Variants in LPCAT1 observed in about 807,000 individuals in gnomAD.
LPCAT1 encodes the protein lysophosphatidylcholine acyltransferase 1, also known as 1-acylglycerol-3-phosphate O-acyltransferase.
In LPCAT1, 23 loss-of-function variants were observed where a neutral mutation model predicts 60.9. The ratio of observed to expected loss-of-function variants is 0.38; its 90% CI spans 0.27 to 0.53. LPCAT1 has a LOEUF of 0.53. Ranked by LOEUF, LPCAT1 falls within the 20% of genes least tolerant of loss-of-function variation. LPCAT1 has a pLI of 0.82. For missense variants in LPCAT1, 622 were observed against 723.6 expected (o/e 0.86, Z 1.61); for synonymous variants, 340 against 301.1 (o/e 1.13, Z -1.34).
chr5:1,465,735 A>C (rs1734361793), intron 13 of LPCAT1, among the ~76,000 whole-genome samples: 2 of 152,006 alleles, frequency 1.3e-5, no homozygotes, highest in African/African-American at 4.8e-5. Context: ...TCAATACTGA[A>C]ACAAGCATGC....
chr5:1,518,775 A>G (rs1399572326), intron 1 of LPCAT1, among the ~76,000 whole-genome samples: 1 of 152,236 alleles, frequency 6.6e-6, no homozygotes, highest in Non-Finnish European at 1.5e-5. Context: ...GCCAATGACG[A>G]TAGGGGGCCG....
intron 2 of LPCAT1, among the ~76,000 whole-genome samples, chr5:1,498,549 A>G (rs1355550650): frequency 6.6e-6 from 1 of 152,178 alleles, no homozygotes; most frequent in Non-Finnish European, 1.5e-5. Flanking sequence ...ACACTCATAC[A>G]TATGTACACA....
intron 13 of LPCAT1, among the ~76,000 whole-genome samples, chr5:1,466,037 C>G (rs1012293381): frequency 2.0e-5 from 3 of 152,244 alleles, no homozygotes; most frequent in Non-Finnish European, 4.4e-5. Context: ...CTCGTTTGCT[C>G]TAAGACCACC....
chr5:1,463,344 G>GT lies in LPCAT1; in HGVS notation c.*306_*307insA. ...AGGCTGTGACAGAGACTCGAAACCA[G>GT]GGCCCCGTGGGAGAACACGGGGCGG... On this transcript the variant is annotated 3_prime_UTR_variant, in exon 14 of 14. Transcript: ENST00000283415. 6.1e-6 allele frequency: 2 copies of GT among 330,578 alleles called. No individual in the cohort carries two copies. The highest frequency in any genetic ancestry group is 6.6e-5 in the South Asian group (1 of 15,266). 20.5% of individuals were successfully genotyped at this position (330,578 alleles called of 1,614,324 possible). A position where few individuals can be genotyped will look rare whatever the true frequency, so the allele number is the denominator to read the frequency against.
intron 12 of LPCAT1, among the ~76,000 whole-genome samples, chr5:1,469,134 C>T (rs1020850495): frequency 6.6e-6 from 1 of 152,210 alleles, no homozygotes; most frequent in Non-Finnish European, 1.5e-5. Context: ...CGTGGGGACG[C>T]AGCCATATCA....
chr5:1,478,094 C>G (rs1734997029), intron 8 of LPCAT1, among the ~76,000 whole-genome samples: 1 of 152,288 alleles, frequency 6.6e-6, no homozygotes, highest in Admixed American at 6.5e-5. Context: ...GCACGTTATT[C>G]CTACATTTGG....
At chr5:1,503,350 C>T (rs1290324926) in intron 1 of LPCAT1, among the ~76,000 whole-genome samples, 1 of 152,236 alleles carries the variant, frequency 6.6e-6, no homozygotes, top group Non-Finnish European at 1.5e-5. Flanking sequence ...CCTTCCCAGG[C>T]CTCATCCTCC....
rs1736697329 is a variant in LPCAT1, at chr5:1,522,190, C to G, written c.135+1520G>C. Among the ~76,000 whole-genome samples the G allele has an allele frequency of 6.6e-6, 1 of 152,204 alleles. No homozygotes were observed. The highest frequency in any genetic ancestry group is 2.4e-5 in the African/African-American group (1 of 41,448). On this transcript the variant is annotated intron_variant, in intron 1 of 13. Transcript: ENST00000283415. This position sits in a 1 kb window ranked among gnomAD's most constrained non-coding sequence, Gnocchi z 6.8. ...GGCGTCCCCGCTGAGGGCTTCCGAG[C>G]AGCAGAGTGCAGGAGGAAGAAAGCC...
At chr5:1,479,185 C>T (rs1184445426) in intron 8 of LPCAT1, among the ~76,000 whole-genome samples, 2 of 152,200 alleles carry the variant, frequency 1.3e-5, no homozygotes, top group African/African-American at 4.8e-5. Flanking sequence ...TGCTTGAGCC[C>T]AGGAGTTTGA....
chr5:1,486,442 G>C (rs1039103794), intron 5 of LPCAT1, among the ~76,000 whole-genome samples: 1 of 152,212 alleles, frequency 6.6e-6, no homozygotes, highest in Non-Finnish European at 1.5e-5. Flanking sequence ...AAGGTCTCCG[G>C]GGATGAAGGC....
rs574422308 is a variant in LPCAT1 at position 1,464,705 on chromosome 5, C to CACACA, written c.1421-871_1421-870insTGTGT. ...AAACAAACACATGCGTGCACACACACAAAGAGCACACACGGTAAACACACA... is the reference window on the plus strand; with the variant it reads ...AAACAAACACATGCGTGCACACACACACACAAAAGAGCACACACGGTAAACACACA... On this transcript the variant is annotated intron_variant, in intron 13 of 13. Transcript: ENST00000283415. 5.0e-3 allele frequency among the ~76,000 whole-genome samples: 682 copies of CACACA among 137,300 alleles called. 6 individuals carry two copies. Among genetic ancestry groups the CACACA allele is most frequent in the African/African-American group, 0.018 (634 of 36,054 alleles). 90.1% of individuals were successfully genotyped at this position (137,300 alleles called of 152,430 possible).
rs1260093386 is a variant in LPCAT1 at position 1,483,001 on chromosome 5, G to T, written c.726+427C>A. Among the ~76,000 whole-genome samples the T allele has an allele frequency of 6.6e-6, 1 of 152,226 alleles. No homozygotes were observed. Among genetic ancestry groups the T allele is most frequent in the African/African-American group, 2.4e-5 (1 of 41,452 alleles). Reference sequence around the variant, plus strand: ...TGCCTCCGCCTTCCAGAACTTAAATGTTCTTAATTTTTAAACTTCCTGGAG... The same window carrying T: ...TGCCTCCGCCTTCCAGAACTTAAATTTTCTTAATTTTTAAACTTCCTGGAG... On this transcript the variant is annotated intron_variant, in intron 6 of 13. Transcript: ENST00000283415. The surrounding 1 kb of genome is among the most constrained non-coding windows in gnomAD (Gnocchi z 9.2).
rs1044062223 is a variant in LPCAT1 at position 1,502,466 on chromosome 5, G to A, written c.136-863C>T. On this transcript the variant is annotated intron_variant, in intron 1 of 13. Transcript: ENST00000283415. The surrounding 1 kb of genome is among the most constrained non-coding windows in gnomAD (Gnocchi z 5.5). ...TGACTTTCCAGTCAATGGAAGACCC[G>A]GCGCAGGAGAGTGAACTGGCGGGAG... Among the ~76,000 whole-genome samples the A allele has an allele frequency of 3.3e-5, 5 of 152,190 alleles. No individual in the cohort carries two copies. The highest frequency in any genetic ancestry group is 1.2e-4 in the African/African-American group (5 of 41,446).
At chr5:1,465,218 GCACA>G (rs201744293) in intron 13 of LPCAT1, among the ~76,000 whole-genome samples, 4 of 133,770 alleles carry the variant, frequency 3.0e-5, no homozygotes, top group South Asian at 2.4e-4. Flanking sequence ...ACACATGCGT[GCACA>G]CACACAAAAC....
At chr5:1,513,114 G>C (rs1019359353) in intron 1 of LPCAT1, among the ~76,000 whole-genome samples, 1 of 152,200 alleles carries the variant, frequency 6.6e-6, no homozygotes, top group Non-Finnish European at 1.5e-5. Context: ...CCCAGTTCCT[G>C]CTTCAAGATG....
At chr5:1,465,535 C>T (rs922659174) in intron 13 of LPCAT1, among the ~76,000 whole-genome samples, 4 of 150,712 alleles carry the variant, frequency 2.7e-5, no homozygotes, top group African/African-American at 7.3e-5. Flanking sequence ...AACAAGCACA[C>T]GCACACAGCA....
At chr5:1,492,406 C>T (rs932130818) in intron 3 of LPCAT1, among the ~76,000 whole-genome samples, 3 of 152,118 alleles carry the variant, frequency 2.0e-5, no homozygotes, top group African/African-American at 4.8e-5. Flanking sequence ...TCTGAGCTCC[C>T]GAATCAGAGG....
At position 1,466,750 on chromosome 5, in the gene LPCAT1, G is replaced by C. The variant is rs148686721; in HGVS notation, c.1419C>G (p.Phe473Leu). ...IDQEEKGKIT[F>L]ADFHRFAEMY... ...ACGACCCCACTCCTGCGGGCTCACC[G>C]AATGTGATCTTCCCCTTCTCCTCTT... The change falls in exon 13 of 14, where the codon TTC (phenylalanine) becomes TTG (leucine). Residue 473 changes from phenylalanine (F) to leucine (L), a missense_variant and splice_region_variant. Coordinates refer to ENST00000283415, the MANE Select transcript of LPCAT1 (RefSeq NM_024830.5). 1.2e-6 allele frequency: 2 copies of C among 1,611,068 alleles called. No homozygotes were observed. The highest frequency in any genetic ancestry group is 1.1e-5 in the South Asian group (1 of 90,730).
chr5:1,469,551 C>CG (rs1560950786), intron 12 of LPCAT1, among the ~76,000 whole-genome samples: 1 of 152,112 alleles, frequency 6.6e-6, no homozygotes, highest in African/African-American at 2.4e-5. Flanking sequence ...CTGAGGTGGG[C>CG]GGATCACTTG....
Sources: allele counts gnomAD v4.1 joint callset (sites outside exome capture counted in the v4.1 genomes callset), GRCh38; gene constraint gnomAD v4.1.1; non-coding constraint Gnocchi (gnomAD v3.1); transcripts MANE v1.5; gene names NCBI Gene and HGNC (gene_info 2026-07-23, HGNC 2026-07-21).